The following ATRNL1 variants were observed in gnomAD, a reference collection of about 807,000 sequenced individuals.
ATRNL1 encodes the protein attractin-like protein 1.
Under a neutral mutation model 182.7 loss-of-function variants are expected in ATRNL1, and 95 were observed. The ratio of observed to expected loss-of-function variants is 0.52; its 90% CI spans 0.44 to 0.62. ATRNL1 has a LOEUF of 0.62. ATRNL1 is among the 20% of genes least tolerant of loss of function. The pLI is 0.00. For synonymous variants in ATRNL1, 576 were observed against 568.3 expected (o/e 1.01, Z -0.19); for missense variants, 1,471 against 1,679.5 (o/e 0.88, Z 2.17).
intron 9 of ATRNL1, among the ~76,000 whole-genome samples, chr10:115,232,480 A>G (rs1396252961): frequency 6.6e-6 from 1 of 152,042 alleles, no homozygotes; most frequent in Non-Finnish European, 1.5e-5. Context: ...ATATTTTGCC[A>G]ACATTTTATC....
At chr10:115,783,675 G>A (rs1488411207) in intron 27 of ATRNL1, among the ~76,000 whole-genome samples, 1 of 152,138 alleles carries the variant, frequency 6.6e-6, no homozygotes, top group Non-Finnish European at 1.5e-5. Context: ...AATTACAGGA[G>A]ATCAGCAGGA....
At chr10:115,417,696 G>A (rs1845460072) in intron 20 of ATRNL1, among the ~76,000 whole-genome samples, 1 of 152,116 alleles carries the variant, frequency 6.6e-6, no homozygotes, top group Non-Finnish European at 1.5e-5. Flanking sequence ...GATTGTCTGG[G>A]GCACTGGGAT....
intron 24 of ATRNL1, among the ~76,000 whole-genome samples, chr10:115,511,400 TTATGTAAC>T (rs1432283292): frequency 6.6e-6 from 1 of 151,970 alleles, no homozygotes; most frequent in African/African-American, 2.4e-5. Context: ...CTAGCATCCT[TTATGTAAC>T]TATGCTTTTA....
At chr10:115,587,023 T>A (rs1287048110) in intron 26 of ATRNL1, among the ~76,000 whole-genome samples, 2 of 148,534 alleles carry the variant, frequency 1.3e-5, no homozygotes, top group Non-Finnish European at 3.0e-5. Flanking sequence ...GTGTGAGGTG[T>A]CAGTCTGCCC....
intron 26 of ATRNL1, among the ~76,000 whole-genome samples, chr10:115,673,843 A>C (rs187147213): frequency 3.9e-5 from 6 of 152,136 alleles, no homozygotes; most frequent in African/African-American, 1.4e-4. Flanking sequence ...GTTCCTTCCA[A>C]GGCTAGATCA....
At chr10:115,738,844 C>T (rs1367874432) in intron 27 of ATRNL1, among the ~76,000 whole-genome samples, 3 of 151,956 alleles carry the variant, frequency 2.0e-5, no homozygotes, top group Non-Finnish European at 2.9e-5. Flanking sequence ...TGATAAAAGT[C>T]ATTTGTTTAC....
intron 26 of ATRNL1, among the ~76,000 whole-genome samples, chr10:115,579,067 C>T (rs1854905665): frequency 6.6e-6 from 1 of 151,462 alleles, no homozygotes; most frequent in Non-Finnish European, 1.5e-5. Context: ...AGAAAAGATT[C>T]TTGATATGAT....
At chr10:115,525,901 G>T (rs967994001) in intron 25 of ATRNL1, among the ~76,000 whole-genome samples, 3 of 151,846 alleles carry the variant, frequency 2.0e-5, no homozygotes, top group Non-Finnish European at 2.9e-5. Context: ...CTGCCAGTAC[G>T]TGCTCCCTAA....
At chr10:115,695,760 G>A (rs1415548025) in intron 26 of ATRNL1, among the ~76,000 whole-genome samples, 2 of 152,122 alleles carry the variant, frequency 1.3e-5, no homozygotes, top group African/African-American at 4.8e-5. Flanking sequence ...CCATTTAATA[G>A]TAACATCACA....
intron 1 of ATRNL1, among the ~76,000 whole-genome samples, chr10:115,112,609 A>G (rs1554868492): frequency 1.3e-5 from 2 of 152,166 alleles, no homozygotes; most frequent in South Asian, 4.1e-4. Flanking sequence ...GCTTGGGTGG[A>G]AGAAGGTGAA....
At chr10:115,117,974 G>A (rs1844564672) in intron 1 of ATRNL1, among the ~76,000 whole-genome samples, 1 of 152,012 alleles carries the variant, frequency 6.6e-6, no homozygotes, top group Non-Finnish European at 1.5e-5. Flanking sequence ...ACCTTTTCAT[G>A]TACGTATTTG....
In ATRNL1 at chr10:115,649,551, T is replaced by C. The variant is rs139075924; in HGVS notation, c.3796-77697T>C. Among the ~76,000 whole-genome samples, 253 of 152,248 alleles carry C rather than the reference T, an allele frequency of 1.7e-3. 2 individuals carry two copies. The Middle Eastern group carries it at 0.017, about 10-fold the overall frequency. On this transcript the variant is annotated intron_variant, in intron 26 of 28. Transcript: ENST00000355044. ...TATCCACATCTGGGAAATAAGTTTG[T>C]TAACAAAGCACTTTGACACCTCATC...
chr10:115,293,789 A>C (rs1853041143), intron 15 of ATRNL1, among the ~76,000 whole-genome samples: 1 of 152,008 alleles, frequency 6.6e-6, no homozygotes, highest in Admixed American at 6.6e-5. Flanking sequence ...ATATCATTCC[A>C]TTCCTCTTGG....
chr10:115,941,789 A>G (rs1389817124), intron 28 of ATRNL1, among the ~76,000 whole-genome samples: 1 of 152,336 alleles, frequency 6.6e-6, no homozygotes, highest in Non-Finnish European at 1.5e-5. Context: ...AAAATCTGCA[A>G]TTTTAAAAAT....
intron 1 of ATRNL1, among the ~76,000 whole-genome samples, chr10:115,095,360 CTTT>C (rs367762933): frequency 0.012 from 1,720 of 141,326 alleles, 35 homozygotes; most frequent in African/African-American, 0.042. Context: ...GCATACTTTC[CTTT>C]TTTTTTTTTT....
intron 24 of ATRNL1, among the ~76,000 whole-genome samples, chr10:115,514,894 T>G (rs1272920521): frequency 2.6e-5 from 4 of 151,950 alleles, no homozygotes; most frequent in African/African-American, 9.7e-5. Flanking sequence ...CCACTTTTGT[T>G]GGACCTTCTT....
At chr10:115,347,203 G>A (rs778657155) in intron 19 of ATRNL1, among the ~76,000 whole-genome samples, 1 of 152,122 alleles carries the variant, frequency 6.6e-6, no homozygotes, top group Non-Finnish European at 1.5e-5. Context: ...AAATTAAATA[G>A]AGTGAATAAT....
intron 26 of ATRNL1, among the ~76,000 whole-genome samples, chr10:115,610,569 A>C (rs1334057547): frequency 2.0e-5 from 3 of 152,194 alleles, no homozygotes; most frequent in Non-Finnish European, 2.9e-5. Flanking sequence ...GAGACAGAAT[A>C]GCATGGTGGC....
intron 28 of ATRNL1, among the ~76,000 whole-genome samples, chr10:115,931,379 A>ATAAG (rs1953389282): frequency 6.6e-6 from 1 of 152,178 alleles, no homozygotes; most frequent in South Asian, 2.1e-4. Flanking sequence ...TAATGATATT[A>ATAAG]TAAGTTTCTT....
Sources: gnomAD v4.1 joint callset for allele counts (sites outside exome capture counted in the v4.1 genomes callset) on GRCh38, gnomAD v4.1.1 for gene constraint, MANE v1.5 for transcripts, NCBI Gene and HGNC (gene_info 2026-07-23, HGNC 2026-07-21) for gene names.